Variants in PAX3 observed in about 807,000 individuals in gnomAD.
The protein encoded by PAX3 is paired box protein Pax-3.
Under a neutral mutation model 51.6 loss-of-function variants are expected in PAX3, and 14 were observed. That is an observed-to-expected ratio of 0.27 (90% CI 0.18 to 0.42). The LOEUF (loss-of-function observed/expected upper bound fraction) is 0.42, where lower values mean the gene tolerates loss of function less well. Ranked by LOEUF, PAX3 falls within the 10% of genes least tolerant of loss-of-function variation. PAX3 has a pLI of 1.00. For missense variants in PAX3, 540 were observed against 642.8 expected, an observed-to-expected ratio of 0.84 and a Z score of 1.73; for synonymous variants, 280 against 253.4, an observed-to-expected ratio of 1.11 and a Z score of -1.00.
At chr2:222,258,278 A>G (rs1421790547) in intron 4 of PAX3, among the ~76,000 whole-genome samples, 5 of 150,510 alleles carry the variant, frequency 3.3e-5, no homozygotes, top group Non-Finnish European at 5.9e-5. Context: ...AGTGGGAATA[A>G]TAATATTTAC....
chr2:222,200,333 T>C lies in PAX3; in HGVS notation c.*1075A>G, dbSNP rs1234101056. 9.9e-5 allele frequency: 22 copies of C among 221,516 alleles called. No homozygotes were observed. In the Admixed American group the frequency reaches 1.2e-3, roughly 12 times the overall value. 13.7% of individuals were successfully genotyped at this position (221,516 alleles called of 1,614,324 possible). On this transcript the variant is annotated 3_prime_UTR_variant, in exon 9 of 9. Coordinates refer to ENST00000392070, the MANE Select transcript of PAX3 (RefSeq NM_181458.4). Reference sequence around the variant, plus strand: ...CATGTGAACACTTCTGTTCTTGCCCTGCCTTTCATAGAAAAGAGAAGAATG... The same window carrying C: ...CATGTGAACACTTCTGTTCTTGCCCCGCCTTTCATAGAAAAGAGAAGAATG...
At chr2:222,231,219 C>G (rs1429696352) in intron 5 of PAX3, among the ~76,000 whole-genome samples, 1 of 152,122 alleles carries the variant, frequency 6.6e-6, no homozygotes, top group Non-Finnish European at 1.5e-5. Flanking sequence ...GAGTCCCCAG[C>G]CTGCAAATTA....
chr2:222,295,325 CA>C (rs748406024), intron 3 of PAX3, among the ~76,000 whole-genome samples: 1 of 152,218 alleles, frequency 6.6e-6, no homozygotes, highest in Non-Finnish European at 1.5e-5. Flanking sequence ...GTGGTCTCGC[CA>C]CCCTCCGTCC....
intron 5 of PAX3, among the ~76,000 whole-genome samples, chr2:222,230,788 G>A (rs1364831558): frequency 6.8e-6 from 1 of 148,052 alleles, no homozygotes; most frequent in Non-Finnish European, 1.5e-5. Flanking sequence ...CCAGGAGGCA[G>A]AGGTTGCAGT....
At chr2:222,296,931 A>G (rs781141472) in intron 2 of PAX3, 47 bp downstream of exon 2, 21 of 1,476,000 alleles carry the variant, frequency 1.4e-5, no homozygotes, top group African/African-American at 4.2e-5. Flanking sequence ...TCCCCAACAC[A>G]GGGGACCACA....
At chr2:222,252,897 A>G (rs374277431) in intron 4 of PAX3, among the ~76,000 whole-genome samples, 19 of 152,306 alleles carry the variant, frequency 1.2e-4, no homozygotes, top group South Asian at 1.2e-3. Context: ...TCTTGGTGCT[A>G]TGATTAGTTT....
At chr2:222,260,304 G>A (rs1452837023) in intron 4 of PAX3, among the ~76,000 whole-genome samples, 1 of 152,014 alleles carries the variant, frequency 6.6e-6, no homozygotes, top group East Asian at 1.9e-4. Context: ...GGAGGTCGAG[G>A]CTACAGTGAG....
At chr2:222,245,815 C>CA (rs10628623) in intron 4 of PAX3, among the ~76,000 whole-genome samples, 49,682 of 135,390 alleles carry the variant, frequency 0.37, 9,041 homozygotes, top group Middle Eastern at 0.46. Flanking sequence ...ACTAAAAATA[C>CA]AAAAAAAAAA....
At chr2:222,204,586 G>C (rs982846595) in intron 7 of PAX3, among the ~76,000 whole-genome samples, 52 of 152,106 alleles carry the variant, frequency 3.4e-4, no homozygotes, top group African/African-American at 1.3e-3. Flanking sequence ...ATCCTGATGG[G>C]TGAGATTGGA....
intron 4 of PAX3, among the ~76,000 whole-genome samples, chr2:222,291,259 C>T (rs922463309): frequency 6.6e-6 from 1 of 152,164 alleles, no homozygotes; most frequent in African/African-American, 2.4e-5. Context: ...CCAGTCTCAG[C>T]GCGGGCCAGG....
At chr2:222,232,659 G>A (rs886602238) in intron 4 of PAX3, among the ~76,000 whole-genome samples, 2 of 152,024 alleles carry the variant, frequency 1.3e-5, no homozygotes, top group Non-Finnish European at 2.9e-5. Context: ...CCATTTGTAT[G>A]GCCCTATGCT....
intron 4 of PAX3, among the ~76,000 whole-genome samples, chr2:222,279,304 C>CGT (rs57076966): frequency 0.051 from 7,504 of 147,966 alleles, 439 homozygotes; most frequent in African/African-American, 0.15. Context: ...CAAGCCTGTG[C>CGT]GTGTGTGTGT....
chr2:222,268,202 G>A (rs1694119316), intron 4 of PAX3, among the ~76,000 whole-genome samples: 1 of 152,284 alleles, frequency 6.6e-6, no homozygotes, highest in Non-Finnish European at 1.5e-5. Flanking sequence ...GTCATGTTTT[G>A]CAATTACAAA....
At chr2:222,268,695 T>A (rs1184965678) in intron 4 of PAX3, among the ~76,000 whole-genome samples, 1 of 152,208 alleles carries the variant, frequency 6.6e-6, no homozygotes, top group Non-Finnish European at 1.5e-5. Flanking sequence ...TTGCAGGCTA[T>A]TTTATTTTTT....
intron 4 of PAX3, among the ~76,000 whole-genome samples, chr2:222,247,197 C>T (rs1419446130): frequency 1.3e-5 from 2 of 152,116 alleles, no homozygotes; most frequent in Admixed American, 1.3e-4. Flanking sequence ...TAGGAGGGGG[C>T]TCTTCAAATA....
intron 4 of PAX3, among the ~76,000 whole-genome samples, chr2:222,256,100 A>G (rs538722854): frequency 3.9e-4 from 59 of 151,592 alleles, no homozygotes; most frequent in African/African-American, 1.2e-3. Flanking sequence ...AGTTGTTAGC[A>G]CCTACCTTGA....
chr2:222,226,095 ATTATTC>A, intron 5 of PAX3, among the ~76,000 whole-genome samples: 1 of 152,228 alleles, frequency 6.6e-6, no homozygotes, highest in Non-Finnish European at 1.5e-5. Context: ...TTCAGCCTAC[ATTATTC>A]AAGACGGATT....
intron 7 of PAX3, among the ~76,000 whole-genome samples, chr2:222,208,982 C>T (rs1691615345): frequency 6.6e-6 from 1 of 152,158 alleles, no homozygotes; most frequent in East Asian, 1.9e-4. Context: ...TTTAACTTCA[C>T]AGTCCCATTT....
intron 4 of PAX3, among the ~76,000 whole-genome samples, chr2:222,287,194 T>C (rs1426661909): frequency 6.6e-6 from 1 of 152,234 alleles, no homozygotes; most frequent in East Asian, 1.9e-4. Flanking sequence ...GACAAAACTA[T>C]CTTTCCCAAC....
Sources: gnomAD v4.1 joint callset for allele counts (sites outside exome capture counted in the v4.1 genomes callset) on GRCh38, gnomAD v4.1.1 for gene constraint, MANE v1.5 for transcripts, NCBI Gene and HGNC (gene_info 2026-07-23, HGNC 2026-07-21) for gene names.